METTL15: variants seen among roughly 807,000 people sequenced by gnomAD.
METTL15 encodes 12S rRNA N(4)-cytidine methyltransferase METTL15.
Under a neutral mutation model 38.3 loss-of-function variants are expected in METTL15, and 34 were observed. The observed-to-expected ratio is 0.89, with a 90% CI of 0.68 to 1.18. METTL15 has a LOEUF of 1.18. METTL15 is among the 50% of genes most tolerant of loss of function. The probability of loss-of-function intolerance (pLI) is 0.00; values close to 1 mark genes in which losing one functional copy is unlikely to be tolerated. For synonymous variants in METTL15, 162 were observed against 170.9 expected, an observed-to-expected ratio of 0.95 and a Z score of 0.41; for missense variants, 438 against 498.4, an observed-to-expected ratio of 0.88 and a Z score of 1.15.
In METTL15 at chr11:28,224,601, C is replaced by T. The variant is rs561995784; in HGVS notation, c.407+13403C>T. On this transcript the variant is annotated intron_variant, in intron 4 of 6. Coordinates refer to ENST00000407364, the MANE Select transcript of METTL15 (RefSeq NM_001113528.2). Reference sequence around the variant, plus strand: ...TAAGTGGATTCTACTTATATATTATCAGCACATTCCTCTTTCATTAGATTG... The same window carrying T: ...TAAGTGGATTCTACTTATATATTATTAGCACATTCCTCTTTCATTAGATTG... Among the ~76,000 whole-genome samples, 506 of 151,844 alleles carry T rather than the reference C, an allele frequency of 3.3e-3. 6 individuals carry two copies. Among genetic ancestry groups the T allele is most frequent in the African/African-American group, 0.012 (488 of 41,524 alleles).
intron 4 of METTL15, among the ~76,000 whole-genome samples, chr11:28,271,512 C>T (rs1038462209): frequency 2.6e-5 from 4 of 152,004 alleles, no homozygotes; most frequent in African/African-American, 7.2e-5. Context: ...CTGCTAGTGG[C>T]CTAACGATCC....
chr11:28,226,955 T>C (rs973974362), intron 4 of METTL15, among the ~76,000 whole-genome samples: 38 of 151,862 alleles, frequency 2.5e-4, no homozygotes, highest in African/African-American at 9.2e-4. Flanking sequence ...TCTAAACCAT[T>C]TTGAACTATT....
chr11:28,493,521 A>T (rs1191345375), intron 6 of METTL15, among the ~76,000 whole-genome samples: 1 of 151,926 alleles, frequency 6.6e-6, no homozygotes, highest in African/African-American at 2.4e-5. Context: ...TAAATTAAAC[A>T]TCGACTCTGG....
At chr11:28,398,098 G>T (rs1850591841) in intron 5 of METTL15, among the ~76,000 whole-genome samples, 1 of 151,944 alleles carries the variant, frequency 6.6e-6, no homozygotes, top group Non-Finnish European at 1.5e-5. Flanking sequence ...TGGGGTGGGG[G>T]GAGGTGGGAA....
intron 4 of METTL15, among the ~76,000 whole-genome samples, chr11:28,218,064 C>T (rs906208811): frequency 6.6e-6 from 1 of 152,020 alleles, no homozygotes; most frequent in African/African-American, 2.4e-5. Flanking sequence ...TCCATATGAA[C>T]TTCAAAGTAG....
chr11:28,499,796 T>C (rs1448210071), intron 6 of METTL15, among the ~76,000 whole-genome samples: 2 of 152,148 alleles, frequency 1.3e-5, no homozygotes, highest in Non-Finnish European at 2.9e-5. Flanking sequence ...CCAAGTTTCT[T>C]GGGTGGCTCA....
chr11:28,521,435 T>A (rs1292417468), intron 6 of METTL15, among the ~76,000 whole-genome samples: 1 of 152,208 alleles, frequency 6.6e-6, no homozygotes, highest in Non-Finnish European at 1.5e-5. Context: ...GTTGGGTGTA[T>A]AAGTTTGAGA....
intron 6 of METTL15, among the ~76,000 whole-genome samples, chr11:28,309,744 A>T (rs1330448567): frequency 2.0e-5 from 3 of 152,178 alleles, no homozygotes; most frequent in Admixed American, 2.0e-4. Flanking sequence ...TTATGATGCT[A>T]CAACAGCATT....
chr11:28,465,914 C>T (rs1014917039), intron 6 of METTL15, among the ~76,000 whole-genome samples: 11 of 152,122 alleles, frequency 7.2e-5, no homozygotes, highest in African/African-American at 2.4e-4. Context: ...CAAAATAGCC[C>T]CCAGTTGAGA....
At chr11:28,469,881 GA>G (rs1177045799) in intron 6 of METTL15, among the ~76,000 whole-genome samples, 2 of 152,060 alleles carry the variant, frequency 1.3e-5, no homozygotes, top group African/African-American at 2.4e-5. Context: ...TGAAAAAAGA[GA>G]AAAGGTCTAT....
intron 3 of METTL15, among the ~76,000 whole-genome samples, chr11:28,198,945 AC>A (rs1459828077): frequency 3.3e-5 from 5 of 151,868 alleles, no homozygotes; most frequent in Non-Finnish European, 5.9e-5. Flanking sequence ...CTTAGCAATT[AC>A]AAACATTTCA....
intron 4 of METTL15, among the ~76,000 whole-genome samples, chr11:28,286,976 C>CTCTCCACACTATATATATATGTAT (rs1290171026): frequency 6.7e-6 from 1 of 149,016 alleles, no homozygotes; most frequent in Non-Finnish European, 1.5e-5. Flanking sequence ...TATATATGTA[C>CTCTCCACACTATATATATATGTAT]TCTCCACACT....
chr11:28,432,929 A>T (rs1193481781), intron 6 of METTL15, among the ~76,000 whole-genome samples: 32 of 146,954 alleles, frequency 2.2e-4, no homozygotes, highest in Admixed American at 1.4e-4. Context: ...TTTTTTCCAC[A>T]TTTTTTTTTT....
chr11:28,119,177 A>C (rs1317295868), intron 3 of METTL15, among the ~76,000 whole-genome samples: 1 of 152,174 alleles, frequency 6.6e-6, no homozygotes, highest in Admixed American at 6.5e-5. Context: ...ATAGCAACTT[A>C]ATAAGTCATA....
At position 28,495,040 on chromosome 11, in the gene METTL15, C is replaced by T. The variant is rs906548407; in HGVS notation, c.*425-31438C>T. Among the ~76,000 whole-genome samples the T allele has an allele frequency of 3.9e-5, 6 of 152,156 alleles. 1 individual carries two copies. The East Asian group carries it at 5.8e-4, about 15-fold the overall frequency. On this transcript the variant is annotated intron_variant and NMD_transcript_variant, in intron 6 of 7. Coordinates refer to the METTL15 transcript ENST00000532947. Reference sequence around the variant, plus strand: ...CATGGAGTCACTGCTGAACTAATATCGGTTATTATTTTAAGTTCATTTATT... The same window carrying T: ...CATGGAGTCACTGCTGAACTAATATTGGTTATTATTTTAAGTTCATTTATT...
chr11:28,462,479 T>TACACAC (rs10573384), intron 6 of METTL15, among the ~76,000 whole-genome samples: 125 of 146,322 alleles, frequency 8.5e-4, no homozygotes, highest in African/African-American at 1.5e-3. Context: ...CATACACGCT[T>TACACAC]ACACACACAC....
chr11:28,385,573 C>A (rs1850431165), intron 5 of METTL15, among the ~76,000 whole-genome samples: 2 of 152,062 alleles, frequency 1.3e-5, no homozygotes, highest in Admixed American at 6.6e-5. Context: ...AGTTGGGTAA[C>A]ATGATGCTTC....
intron 3 of METTL15, among the ~76,000 whole-genome samples, chr11:28,342,753 G>A (rs547669859): frequency 2.6e-5 from 4 of 152,276 alleles, no homozygotes; most frequent in African/African-American, 9.6e-5. Flanking sequence ...CTTGGTAACT[G>A]ATTCACCTAA....
intron 3 of METTL15, among the ~76,000 whole-genome samples, chr11:28,115,988 C>G (rs986620102): frequency 6.6e-6 from 1 of 150,954 alleles, no homozygotes; most frequent in African/African-American, 2.4e-5. Flanking sequence ...TTTGGATTTA[C>G]CAGTGCACCA....
Sources: gnomAD v4.1 joint callset for allele counts (sites outside exome capture counted in the v4.1 genomes callset) on GRCh38, gnomAD v4.1.1 for gene constraint, MANE v1.5 for transcripts, NCBI Gene and HGNC (gene_info 2026-07-23, HGNC 2026-07-21) for gene names.